F8: variants seen among roughly 807,000 people sequenced by gnomAD.
The protein encoded by F8 is antihemophilic factor.
F8 carries 12 observed loss-of-function variants against 140.6 expected under a neutral mutation model. The ratio of observed to expected loss-of-function variants is 0.09; its 90% CI spans 0.05 to 0.14. F8 has a LOEUF of 0.14. F8 is among the 10% of genes least tolerant of loss of function. The pLI is 1.00. For synonymous variants in F8, 585 were observed against 614.6 expected, an observed-to-expected ratio of 0.95 and a Z score of 0.71; for missense variants, 1,354 against 1,720.7, an observed-to-expected ratio of 0.79 and a Z score of 3.77.
intron 10 of F8, 69 bp from the exon 11 acceptor site, chrX:154,957,240 T>C (rs1349553484): frequency 4.7e-6 from 4 of 859,977 alleles, no homozygotes; most frequent in Non-Finnish European, 6.9e-6. Context: ...AATCATGTTG[T>C]TGTTGCAAGG....
chrX:154,996,928 T>C, intron 3 of F8, 45 bp downstream of exon 3: 1 of 1,200,376 alleles, frequency 8.3e-7, no homozygotes, highest in Non-Finnish European at 1.1e-6. Flanking sequence ...CATCTCACTG[T>C]TCTATTCATA....
intron 25 of F8, among the ~76,000 whole-genome samples, chrX:154,846,156 G>A (rs1392926035): frequency 1.8e-5 from 2 of 112,249 alleles, no homozygotes; most frequent in Non-Finnish European, 3.8e-5. Flanking sequence ...TGGCCTGAGA[G>A]ACAGTTTGTT....
chrX:154,876,965 A>C (rs1406099635), intron 22 of F8, among the ~76,000 whole-genome samples: 1 of 112,375 alleles, frequency 8.9e-6, no homozygotes, highest in African/African-American at 3.2e-5. Flanking sequence ...TCTGATTTAA[A>C]AGAAATTTGT....
intron 14 of F8, among the ~76,000 whole-genome samples, chrX:154,907,157 T>C (rs2073043090): frequency 8.9e-6 from 1 of 112,251 alleles, no homozygotes; most frequent in South Asian, 3.7e-4. Context: ...TTCTTTATAA[T>C]TTTACCAGTT....
intron 6 of F8, among the ~76,000 whole-genome samples, chrX:154,978,073 T>C (rs1172069714): frequency 3.6e-5 from 4 of 110,221 alleles, no homozygotes; most frequent in African/African-American, 1.3e-4. Context: ...TTGTATTTCA[T>C]TCAATGAATT....
chrX:154,922,999 G>T (rs991233913), intron 14 of F8, among the ~76,000 whole-genome samples: 3 of 111,296 alleles, frequency 2.7e-5, no homozygotes, highest in Non-Finnish European at 5.7e-5. Context: ...GAAACAGGAA[G>T]GCTTTGTATC....
chrX:154,957,137 T>G lies in F8; in HGVS notation c.1572A>C (p.Pro524=). ...TCCATTTATATTTGAATATTTCTCC[T>G]GGCAGAATTGGAAAATCCTTCAAAT... The part of the protein sequence containing the change: ...VKHLKDFPIL[P]GEIFKYKWTV... Residue 524 remains proline, a synonymous_variant, in exon 11 of 26, where the codon CCA becomes CCC. Coordinates refer to ENST00000360256, the MANE Select transcript of F8 (RefSeq NM_000132.4). 8.3e-7 allele frequency: 1 copy of G among 1,210,845 alleles called. No individual in the cohort carries two copies. Among genetic ancestry groups the G allele is most frequent in the African/African-American group, 1.7e-5 (1 of 57,751 alleles).
At chrX:154,952,687 C>T (rs2073343730) in intron 12 of F8, among the ~76,000 whole-genome samples, 2 of 110,587 alleles carry the variant, frequency 1.8e-5, no homozygotes, top group East Asian at 2.8e-4. Context: ...GGACTACAGG[C>T]GGCCGCCACC....
intron 4 of F8, among the ~76,000 whole-genome samples, chrX:154,988,077 CAG>C (rs781821552): frequency 1.5e-4 from 17 of 111,979 alleles, no homozygotes; most frequent in Admixed American, 4.8e-4. Context: ...AAGCTAACTG[CAG>C]AGTTAACAAC....
chrX:154,861,541 G>C (rs926656811), intron 24 of F8, among the ~76,000 whole-genome samples, 177 bp downstream of exon 24: 4 of 111,907 alleles, frequency 3.6e-5, no homozygotes, highest in Non-Finnish European at 7.5e-5. Flanking sequence ...GGTTCAATTA[G>C]AGATCATTTC....
At chrX:154,945,907 A>C (rs1351782805) in intron 13 of F8, among the ~76,000 whole-genome samples, 1 of 112,316 alleles carries the variant, frequency 8.9e-6, no homozygotes, top group Non-Finnish European at 1.9e-5. Flanking sequence ...CAGGATACAA[A>C]ACCAACATGC....
In F8 at chrX:154,856,616, G is replaced by A. The variant is rs57044663; in HGVS notation, c.6900+3816C>T. Among the ~76,000 whole-genome samples the A allele has an allele frequency of 2.7e-5, 3 of 111,775 alleles. No individual in the cohort carries two copies. The East Asian group carries it at 8.4e-4, about 31-fold the overall frequency. ...GTCTAACCTGAATAATAAAAACAGA[G>A]TCACGGCCTCTCAATCAATTCCCAG... On this transcript the variant is annotated intron_variant, in intron 25 of 25. Transcript: ENST00000360256.
At chrX:154,848,253 A>C (rs1341541201) in intron 25 of F8, among the ~76,000 whole-genome samples, 1 of 112,822 alleles carries the variant, frequency 8.9e-6, no homozygotes, top group African/African-American at 3.2e-5. Flanking sequence ...TTGAGGAGGC[A>C]GTCTGTCCGT....
At chrX:154,978,793 G>A (rs2073501474) in intron 6 of F8, among the ~76,000 whole-genome samples, 1 of 110,201 alleles carries the variant, frequency 9.1e-6, no homozygotes, top group South Asian at 4.0e-4. Flanking sequence ...TGTTGCTTGG[G>A]TAGAGCACTT....
chrX:154,951,121 T>C (rs1256154173), intron 12 of F8, among the ~76,000 whole-genome samples: 1 of 112,208 alleles, frequency 8.9e-6, no homozygotes, highest in Admixed American at 9.5e-5. Flanking sequence ...TTACCAAACA[T>C]AGCTAATTAT....
chrX:154,906,714 C>T, intron 14 of F8, 141 bp from the exon 15 acceptor site: 1 of 551,839 alleles, frequency 1.8e-6, no homozygotes, highest in East Asian at 3.7e-5. Context: ...TCTTGCCAAG[C>T]TTTATTAGCA....
chrX:154,925,306 A>C (rs1351359734), intron 14 of F8, among the ~76,000 whole-genome samples: 1 of 111,851 alleles, frequency 8.9e-6, no homozygotes, highest in Non-Finnish European at 1.9e-5. Flanking sequence ...TTCATGTAGA[A>C]ACTCTGCTAG....
intron 1 of F8, among the ~76,000 whole-genome samples, chrX:155,000,676 T>C (rs954292636): frequency 1.4e-4 from 16 of 112,251 alleles, no homozygotes; most frequent in African/African-American, 5.2e-4. Flanking sequence ...AACCGTATAC[T>C]ACATGCCACT....
intron 13 of F8, among the ~76,000 whole-genome samples, chrX:154,947,224 G>GAA (rs781928603): frequency 2.2e-3 from 39 of 17,844 alleles, no homozygotes; most frequent in African/African-American, 4.5e-3. Flanking sequence ...GACTCCGTCT[G>GAA]AAAAAAAAAA....
Sources: allele counts gnomAD v4.1 joint callset (sites outside exome capture counted in the v4.1 genomes callset), GRCh38; gene constraint gnomAD v4.1.1; transcripts MANE v1.5; gene names NCBI Gene and HGNC (gene_info 2026-07-23, HGNC 2026-07-21).